TTI2: variants seen among roughly 807,000 people sequenced by gnomAD.
TTI2 encodes the protein TELO2 interacting protein 2, also known as TELO2-interacting protein 2.
In TTI2, 26 loss-of-function variants were observed where a neutral mutation model predicts 44.9. The ratio of observed to expected loss-of-function variants is 0.58; its 90% CI spans 0.42 to 0.80. The LOEUF (loss-of-function observed/expected upper bound fraction) is 0.80. Among genes scored for constraint, TTI2 ranks in the 30% least tolerant of loss-of-function variants. The pLI is 0.00. For synonymous variants in TTI2, 254 were observed against 250.9 expected (o/e 1.01, Z -0.12); for missense variants, 582 against 611.6 (o/e 0.95, Z 0.51).
At chr8:33,510,426 G>A (rs540656565) in intron 2 of TTI2, among the ~76,000 whole-genome samples, 1 of 152,260 alleles carries the variant, frequency 6.6e-6, no homozygotes, top group East Asian at 1.9e-4. Flanking sequence ...GCCCAGGCTG[G>A]AGTGCAGTGG....
At chr8:33,502,090 C>T (rs942287281) in intron 6 of TTI2, among the ~76,000 whole-genome samples, 4 of 151,984 alleles carry the variant, frequency 2.6e-5, no homozygotes, top group Non-Finnish European at 4.4e-5. Context: ...ACTACAGGTG[C>T]GCGCCACCAT....
intron 6 of TTI2, among the ~76,000 whole-genome samples, chr8:33,502,867 C>T (rs184358874): frequency 5.9e-5 from 9 of 151,816 alleles, no homozygotes; most frequent in Admixed American, 5.3e-4. Context: ...TGGTGGCTCA[C>T]GCCTGTAACC....
In TTI2 at chr8:33,511,998, T is replaced by C; in HGVS notation, c.616A>G (p.Ile206Val). Reference protein sequence around the residue: ...NEDEKGRLSVILGLLKPDLYK... With the variant: ...NEDEKGRLSVVLGLLKPDLYK... ...AAGTCGGGTTTGAGAAGCCCTAGTA[T>C]CACCGAAAGTCTCCCTTTCTCATCT... Residue 206 changes from isoleucine to valine, a missense_variant, in exon 2 of 8, where the codon ATA becomes GTA. Coordinates refer to ENST00000431156, the MANE Select transcript of TTI2 (RefSeq NM_001102401.4). 6.2e-7 allele frequency: 1 copy of C among 1,614,186 alleles called. No individual in the cohort carries two copies. The highest frequency in any genetic ancestry group is 1.1e-5 in the South Asian group (1 of 91,080).
rs1209312063 is a variant in TTI2 at position 33,511,960 on chromosome 8, T to C, written c.647+7A>G. The C allele has an allele frequency of 1.2e-6, 2 of 1,613,704 alleles. No individual in the cohort carries two copies. The highest frequency in any genetic ancestry group is 2.7e-5 in the African/African-American group (2 of 74,816). The stretch of plus-strand genomic sequence containing the variant: ...TCAAGTCGGTGGCAAAGGGCAGGAG[T>C]ACTCACTTATACAAGTCGGGTTTGA... On this transcript the variant is annotated splice_region_variant and intron_variant, in intron 2 of 7. Coordinates refer to ENST00000431156, the MANE Select transcript of TTI2 (RefSeq NM_001102401.4).
intron 6 of TTI2, among the ~76,000 whole-genome samples, chr8:33,502,795 C>T (rs933014720): frequency 2.6e-5 from 4 of 151,618 alleles, no homozygotes; most frequent in East Asian, 1.9e-4. Context: ...CATTGCACTC[C>T]GGCCTGGGTG....
Position 33,499,307 on chromosome 8 carries a change from A to T in TTI2, c.1423-30T>A, listed in dbSNP as rs79438627. ...AACATGAAACCAAACAGGCTTTGAT[A>T]TTTTTTTTTTTTTAATTACTTTCCC... On this transcript the variant is annotated intron_variant, in intron 7 of 7. Coordinates refer to ENST00000431156, the MANE Select transcript of TTI2 (RefSeq NM_001102401.4). The T allele has an allele frequency of 4.2e-3, 5,118 of 1,228,944 alleles. 132 individuals carry two copies. The African/African-American group carries it at 0.056, about 13-fold the overall frequency. The allele number at this position is 1,228,944 out of a possible 1,614,324, so 76.1% of individuals were successfully genotyped here.
At position 33,507,201 on chromosome 8, in the gene TTI2, C is replaced by G. The variant is rs771790961; in HGVS notation, c.927+28G>C. On this transcript the variant is annotated intron_variant, in intron 4 of 7. Transcript: ENST00000431156. ...TCTACTCAAATTCAGAGAATCCAGACCCAGTTATGAAGAAATCATACTATT... is the reference window on the plus strand; with the variant it reads ...TCTACTCAAATTCAGAGAATCCAGAGCCAGTTATGAAGAAATCATACTATT... The G allele has an allele frequency of 5.0e-6, 8 of 1,590,806 alleles. No homozygotes were observed. The South Asian group carries it at 8.8e-5, about 18-fold the overall frequency.
intron 1 of TTI2, 164 bp from the exon 2 acceptor site, chr8:33,512,876 G>GAA (rs1491454767): frequency 1.1e-5 from 1 of 91,664 alleles, no homozygotes. Context: ...CTCCGTCTCA[G>GAA]TAAAAAAAAA....
chr8:33,499,019 C>A lies in TTI2; in HGVS notation c.*154G>T. The A allele has an allele frequency of 1.5e-6, 1 of 667,400 alleles. No homozygotes were observed. 41.3% of individuals were successfully genotyped at this position (667,400 alleles called of 1,614,324 possible). On this transcript the variant is annotated 3_prime_UTR_variant, in exon 8 of 8. Transcript: ENST00000431156. ...TCAATTTTTTCTTGTTCTACTTTCC[C>A]TATTCTTATGGAGGTAAAAGGAAAG...
intron 4 of TTI2, among the ~76,000 whole-genome samples, chr8:33,505,812 C>T (rs1242749706): frequency 1.3e-5 from 2 of 152,130 alleles, no homozygotes; most frequent in African/African-American, 4.8e-5. Context: ...TGCCACCATG[C>T]CCGGCTAATT....
At chr8:33,502,824 TCAAAAACAAAAA>T (rs202076532) in intron 6 of TTI2, among the ~76,000 whole-genome samples, 1 of 128,488 alleles carries the variant, frequency 7.8e-6, no homozygotes, top group African/African-American at 2.8e-5. Context: ...ATACTCCATC[TCAAAAACAAAAA>T]CAAAAACAAA....
rs1239759835 is a variant in TTI2, at chr8:33,512,059, G to C, written c.555C>G (p.Cys185Trp). Residue 185 changes from cysteine (C) to tryptophan (W), a missense_variant, in exon 2 of 8, where the codon TGC (cysteine) becomes TGG (tryptophan). Transcript: ENST00000431156. ...CATGTAGGAATCCTGCCACAGAACC[G>C]CATTCAGTAACTTGAAGCAGTGAGG... ...VLTSLLQVTE[C>W]GSVAGFLHGE... The C allele has an allele frequency of 1.2e-6, 2 of 1,614,010 alleles. No homozygotes were observed. Among genetic ancestry groups the C allele is most frequent in the Non-Finnish European group, 1.7e-6 (2 of 1,179,964 alleles).
intron 3 of TTI2, among the ~76,000 whole-genome samples, chr8:33,509,137 A>G (rs1809417103): frequency 6.9e-6 from 1 of 145,966 alleles, no homozygotes; most frequent in South Asian, 2.1e-4. Context: ...TGTCTCAAAA[A>G]AAAAAAAAAA....
intron 2 of TTI2, among the ~76,000 whole-genome samples, chr8:33,511,704 A>G (rs1426132273): frequency 6.6e-6 from 1 of 151,936 alleles, no homozygotes; most frequent in Admixed American, 6.6e-5. Context: ...CCTGGCCAAC[A>G]TGGTGAAACC....
Position 33,499,147 on chromosome 8 carries a change from T to C in TTI2, c.*26A>G. On this transcript the variant is annotated 3_prime_UTR_variant, in exon 8 of 8. Transcript: ENST00000431156. The stretch of plus-strand genomic sequence containing the variant: ...CAAATTGGGATGGGAAGAAAATCCT[T>C]TCCTCTTGGGAAAGTAATACAAGTC... The C allele has an allele frequency of 1.3e-6, 2 of 1,574,066 alleles. No individual in the cohort carries two copies. Among genetic ancestry groups the C allele is most frequent in the Non-Finnish European group, 1.7e-6 (2 of 1,143,572 alleles).
At chr8:33,499,740 T>G (rs1231090698) in intron 7 of TTI2, 1 of 165,312 alleles carries the variant, frequency 6.0e-6, no homozygotes, top group Admixed American at 5.9e-5. Flanking sequence ...CCTTCAATCT[T>G]CAACTAAAGA....
In TTI2 at chr8:33,512,695, G is replaced by A. The variant is rs1489005067; in HGVS notation, c.-82C>T. The A allele has an allele frequency of 2.7e-6, 4 of 1,498,346 alleles. No individual in the cohort carries two copies. The highest frequency in any genetic ancestry group is 3.6e-6 in the Non-Finnish European group (4 of 1,096,916). The allele number at this position is 1,498,346 out of a possible 1,614,324, so 92.8% of individuals were successfully genotyped here. A position where few individuals can be genotyped will look rare whatever the true frequency, so the allele number is the denominator to read the frequency against. ...GAGGGATCCGTTGAAGAGGGAAGGA[G>A]CGATCACCCAAAGAGAACTAAAATC... On this transcript the variant is annotated 5_prime_UTR_variant, in exon 2 of 8. Transcript: ENST00000431156.
chr8:33,512,807 G>A (rs1809607017), intron 1 of TTI2, 95 bp from the exon 2 acceptor site: 7 of 581,984 alleles, frequency 1.2e-5, no homozygotes, highest in Non-Finnish European at 2.0e-5. Context: ...CCCGGGAGGC[G>A]GAGTTTGCAG....
rs537582299 is a variant in TTI2, at chr8:33,512,801, G to A, written c.-99-89C>T. On this transcript the variant is annotated intron_variant, in intron 1 of 7. Coordinates refer to ENST00000431156, the MANE Select transcript of TTI2 (RefSeq NM_001102401.4). ...AGAATAAAGAGAAAGGGTGAACCCG[G>A]GAGGCGGAGTTTGCAGTGAGCCGAG... is the stretch of plus-strand genomic sequence containing the variant. 7.9e-6 allele frequency: 5 copies of A among 636,880 alleles called. No homozygotes were observed. The Admixed American group carries it at 1.2e-4, about 16-fold the overall frequency. 39.5% of individuals were successfully genotyped at this position (636,880 alleles called of 1,614,324 possible).
Sources: gnomAD v4.1 joint callset for allele counts (sites outside exome capture counted in the v4.1 genomes callset) on GRCh38, gnomAD v4.1.1 for gene constraint, MANE v1.5 for transcripts, NCBI Gene and HGNC (gene_info 2026-07-23, HGNC 2026-07-21) for gene names.